The following DMD variants were observed in gnomAD, a reference collection of about 807,000 sequenced individuals.
DMD encodes the protein dystrophin.
DMD carries 63 observed loss-of-function variants against 330.1 expected under a neutral mutation model. The observed-to-expected ratio is 0.19, with a 90% confidence interval of 0.16 to 0.24. DMD has a LOEUF of 0.24. DMD is among the 10% of genes least tolerant of loss of function. The pLI is 1.00. For synonymous variants in DMD, 1,223 were observed against 959.8 expected (o/e 1.27, Z -5.07); for missense variants, 3,344 against 2,684.1 (o/e 1.25, Z -5.43).
intron 11 of DMD, among the ~76,000 whole-genome samples, chrX:32,632,655 C>T (rs1345642860): frequency 7.4e-5 from 8 of 108,319 alleles, no homozygotes; most frequent in South Asian, 4.2e-4. Context: ...GGCTTGTACC[C>T]GCTGGAGCTG....
intron 7 of DMD, among the ~76,000 whole-genome samples, chrX:32,765,031 T>G (rs1317674059): frequency 9.1e-6 from 1 of 109,569 alleles, no homozygotes; most frequent in Non-Finnish European, 1.9e-5. Flanking sequence ...CATTTGGGAT[T>G]TATCTGCATT....
chrX:31,849,773 C>T (rs1291508281), intron 48 of DMD, among the ~76,000 whole-genome samples: 1 of 110,499 alleles, frequency 9.0e-6, no homozygotes, highest in Admixed American at 9.7e-5. Context: ...ATAAGATCTA[C>T]TATTAATGCT....
At chrX:31,316,998 A>G (rs2056068475) in intron 62 of DMD, among the ~76,000 whole-genome samples, 1 of 112,403 alleles carries the variant, frequency 8.9e-6, no homozygotes, top group Non-Finnish European at 1.9e-5. Context: ...TTCTATCCCG[A>G]TAAGATTGAT....
chrX:33,291,806 T>C (rs773204341), intron 1 of DMD, among the ~76,000 whole-genome samples: 3 of 111,633 alleles, frequency 2.7e-5, no homozygotes, highest in Admixed American at 1.9e-4. Context: ...GCCATGTTTC[T>C]ACTTTTATAT....
intron 44 of DMD, among the ~76,000 whole-genome samples, chrX:32,181,389 T>C (rs2096926570): frequency 8.9e-6 from 1 of 112,114 alleles, no homozygotes; most frequent in Admixed American, 9.5e-5. Flanking sequence ...GATATTCTGA[T>C]TGGATATATC....
intron 74 of DMD, among the ~76,000 whole-genome samples, chrX:31,161,188 A>C (rs2038769834): frequency 8.9e-6 from 1 of 111,815 alleles, no homozygotes; most frequent in South Asian, 3.8e-4. Context: ...ATGTTTCTTT[A>C]GGATGCTGCG....
chrX:32,648,222 A>G (rs1017866706), intron 9 of DMD, among the ~76,000 whole-genome samples: 1 of 112,097 alleles, frequency 8.9e-6, no homozygotes, highest in Non-Finnish European at 1.9e-5. Context: ...GCATAAAACA[A>G]AAACATTTCA....
intron 7 of DMD, among the ~76,000 whole-genome samples, chrX:32,794,723 C>T (rs1406988016): frequency 1.8e-5 from 2 of 112,292 alleles, no homozygotes; most frequent in Admixed American, 9.4e-5. Flanking sequence ...TAGAAGAAAT[C>T]GTTGTCCAAG....
chrX:32,280,118 T>A (rs1437372634), intron 43 of DMD, among the ~76,000 whole-genome samples: 2 of 99,999 alleles, frequency 2.0e-5, no homozygotes, highest in Non-Finnish European at 2.0e-5. Context: ...ATAGTATATA[T>A]TTATATATGT....
intron 62 of DMD, among the ~76,000 whole-genome samples, chrX:31,272,526 C>T (rs1029029187): frequency 8.9e-6 from 1 of 112,475 alleles, no homozygotes; most frequent in Non-Finnish European, 1.9e-5. Context: ...AATTCTTACA[C>T]TCTGCATAAT....
intron 43 of DMD, among the ~76,000 whole-genome samples, chrX:32,268,036 A>G (rs1427743990): frequency 8.9e-6 from 1 of 112,295 alleles, no homozygotes; most frequent in Admixed American, 9.4e-5. Flanking sequence ...AAGCCTCAGA[A>G]TACAAAAGCT....
intron 7 of DMD, among the ~76,000 whole-genome samples, chrX:32,804,475 C>G (rs769797475): frequency 4.4e-4 from 50 of 112,433 alleles, no homozygotes; most frequent in African/African-American, 1.5e-3. Flanking sequence ...CAGCCCCAGT[C>G]AGCGGCTTAC....
chrX:31,901,140 A>G (rs1420116709), intron 47 of DMD, among the ~76,000 whole-genome samples: 1 of 111,782 alleles, frequency 8.9e-6, no homozygotes, highest in African/African-American at 3.3e-5. Context: ...TGCTAGAAGC[A>G]GTTGAATCTA....
At chrX:32,671,691 A>T (rs1249360739) in intron 9 of DMD, among the ~76,000 whole-genome samples, 8 of 112,202 alleles carry the variant, frequency 7.1e-5, no homozygotes, top group Non-Finnish European at 1.3e-4. Context: ...TTTACAAAGT[A>T]ATCTAACCAG....
chrX:32,989,963 T>C (rs760488427), intron 2 of DMD, among the ~76,000 whole-genome samples: 2 of 111,787 alleles, frequency 1.8e-5, no homozygotes, highest in East Asian at 5.6e-4. Context: ...GCCTAAAGGT[T>C]TCATAACTCT....
At chrX:32,312,278 G>T (rs1233011806) in intron 41 of DMD, among the ~76,000 whole-genome samples, 5 of 111,151 alleles carry the variant, frequency 4.5e-5, no homozygotes, top group Non-Finnish European at 7.6e-5. Flanking sequence ...AAGTTTTGAT[G>T]CATGTCCTCA....
chrX:31,337,910 C>T (rs986663475), intron 61 of DMD, among the ~76,000 whole-genome samples: 1 of 111,794 alleles, frequency 8.9e-6, no homozygotes, highest in Admixed American at 9.5e-5. Context: ...CAGCTAAATG[C>T]GCCCATTCAG....
At chrX:32,566,386 T>A in intron 15 of DMD, among the ~76,000 whole-genome samples, 1 of 112,252 alleles carries the variant, frequency 8.9e-6, no homozygotes, top group Non-Finnish European at 1.9e-5. Context: ...AAAATTACAA[T>A]ATTATTGTTT....
intron 34 of DMD, among the ~76,000 whole-genome samples, chrX:32,377,721 G>A (rs193077853): frequency 1.8e-5 from 2 of 111,585 alleles, no homozygotes; most frequent in East Asian, 5.6e-4. Flanking sequence ...TAAAAGCTCA[G>A]TTGCAGGAAA....
Sources: gnomAD v4.1 joint callset for allele counts (sites outside exome capture counted in the v4.1 genomes callset) on GRCh38, gnomAD v4.1.1 for gene constraint, MANE v1.5 for transcripts, NCBI Gene and HGNC (gene_info 2026-07-23, HGNC 2026-07-21) for gene names.